Variants in VPS35L observed in about 807,000 individuals in gnomAD.
VPS35L encodes the protein VPS35 endosomal protein sorting factor like, also known as VPS35 endosomal protein-sorting factor-like.
Under a neutral mutation model 133.0 loss-of-function variants are expected in VPS35L, and 83 were observed. The observed-to-expected ratio is 0.62, with a 90% CI of 0.52 to 0.75. The LOEUF is 0.75. VPS35L is among the 30% of genes least tolerant of loss of function. The pLI is 0.00. For synonymous variants in VPS35L, 423 were observed against 449.9 expected, an observed-to-expected ratio of 0.94 and a Z score of 0.76; for missense variants, 1,083 against 1,206.8, an observed-to-expected ratio of 0.90 and a Z score of 1.52.
chr16:19,696,527 C>T (rs918589744), intron 29 of VPS35L, among the ~76,000 whole-genome samples: 7 of 152,088 alleles, frequency 4.6e-5, no homozygotes, highest in South Asian at 2.1e-4. Flanking sequence ...TGCCAAACCC[C>T]GAGAGCTTCC....
In VPS35L at chr16:19,699,473, A is replaced by C. The variant is rs767829027; in HGVS notation, c.2647-29A>C. 2 of 1,613,216 alleles carry C rather than the reference A, an allele frequency of 1.2e-6. No homozygotes were observed. Among genetic ancestry groups the C allele is most frequent in the African/African-American group, 2.7e-5 (2 of 74,928 alleles). On this transcript the variant is annotated intron_variant, in intron 29 of 30. Coordinates refer to ENST00000417362, the MANE Select transcript of VPS35L (RefSeq NM_020314.7). The surrounding 1 kb of genome is among the most constrained non-coding windows in gnomAD (Gnocchi z 4.2). ...CGGGGCACGGCCTGAGCCCCAGTGC[A>C]AGGCAGTAACCTCCCTTTTCTGTTT... is the stretch of plus-strand genomic sequence containing the variant.
intron 9 of VPS35L, among the ~76,000 whole-genome samples, chr16:19,602,185 T>C (rs1465252812): frequency 6.6e-6 from 1 of 152,166 alleles, no homozygotes; most frequent in African/African-American, 2.4e-5. Context: ...TCAATCAAGT[T>C]TAAATTCCCA....
chr16:19,612,623 A>T lies in VPS35L; in HGVS notation c.1023+2208A>T, dbSNP rs149541810. Among the ~76,000 whole-genome samples, 352 of 152,342 alleles carry T rather than the reference A, an allele frequency of 2.3e-3. 1 individual carries two copies. Among genetic ancestry groups the T allele is most frequent in the African/African-American group, 7.8e-3 (326 of 41,590 alleles). On this transcript the variant is annotated intron_variant, in intron 12 of 30. Transcript: ENST00000417362. ...TAGCAAATGCTTTGAACACACCTTG[A>T]CATCATTTGAATAAGGCCTGATATC... is the stretch of plus-strand genomic sequence containing the variant.
chr16:19,642,499 A>C lies in VPS35L; in HGVS notation c.1865+23A>C, dbSNP rs764178863. On this transcript the variant is annotated intron_variant, in intron 22 of 30. Coordinates refer to ENST00000417362, the MANE Select transcript of VPS35L (RefSeq NM_020314.7). The stretch of plus-strand genomic sequence containing the variant: ...GAAGTAAGCCATGCTTACAGCTGAA[A>C]TATAACATGGATTGGGTCTTAATGC... The C allele has an allele frequency of 1.0e-5, 16 of 1,598,914 alleles. No individual in the cohort carries two copies. In the East Asian group the frequency reaches 2.5e-4, roughly 25 times the overall value.
intron 11 of VPS35L, among the ~76,000 whole-genome samples, chr16:19,609,461 T>C (rs1241109168): frequency 6.6e-6 from 1 of 152,100 alleles, no homozygotes; most frequent in African/African-American, 2.4e-5. Flanking sequence ...ATCCTCCATG[T>C]TGGCTGCTGT....
rs370359996 is a variant in VPS35L at position 19,668,645 on chromosome 16, G to A, written c.2222-515G>A. On this transcript the variant is annotated intron_variant, in intron 26 of 30. Transcript: ENST00000417362. ...GCTGTGTTCCTTCAGACATTTTGAT[G>A]GCTATTTAACAAAAATGGTGTGCAC... Among the ~76,000 whole-genome samples the A allele has an allele frequency of 1.0e-4, 15 of 150,550 alleles. No individual in the cohort carries two copies. In the East Asian group the frequency reaches 2.4e-3, roughly 24 times the overall value.
In VPS35L at chr16:19,699,394, A is replaced by G; in HGVS notation, c.2647-108A>G. 1 of 1,360,282 alleles carries G rather than the reference A, an allele frequency of 7.4e-7. No individual in the cohort carries two copies. Among genetic ancestry groups the G allele is most frequent in the Non-Finnish European group, 1.0e-6 (1 of 993,012 alleles). The allele number at this position is 1,360,282 out of a possible 1,614,324, so 84.3% of individuals were successfully genotyped here. ...ACAGCAAATACATGGCAGAGCTGGC[A>G]CTGGAACTCAGGCATGACCTACCCC... On this transcript the variant is annotated intron_variant, in intron 29 of 30. Transcript: ENST00000417362. This position sits in a 1 kb window ranked among gnomAD's most constrained non-coding sequence, Gnocchi z 4.2.
At chr16:19,617,043 C>A in intron 14 of VPS35L, 1 of 649,448 alleles carries the variant, frequency 1.5e-6, no homozygotes, top group South Asian at 1.8e-5. Flanking sequence ...GGCCATGTAC[C>A]TAAGTGAGGC....
intron 1 of VPS35L, among the ~76,000 whole-genome samples, chr16:19,557,462 C>T (rs1406541951): frequency 2.0e-5 from 3 of 152,112 alleles, no homozygotes; most frequent in African/African-American, 7.2e-5. Context: ...CTTGGCTCAC[C>T]GCAACCTCCG....
In VPS35L at chr16:19,648,462, GC is replaced by G. The variant is rs1168265477; in HGVS notation, c.2028+584del. 2.0e-4 allele frequency among the ~76,000 whole-genome samples: 30 copies of G among 152,176 alleles called. 1 individual carries two copies. The highest frequency in any genetic ancestry group is 5.2e-4 in the Admixed American group (8 of 15,270). On this transcript the variant is annotated intron_variant, in intron 24 of 30. Coordinates refer to ENST00000417362, the MANE Select transcript of VPS35L (RefSeq NM_020314.7). ...AGTTACAGAAATCTAACCAGAAGGA[GC>G]CCCTTCTTACGTAACAAGAGGTTCC... is the stretch of plus-strand genomic sequence containing the variant.
chr16:19,690,707 T>C (rs948394434), intron 28 of VPS35L, among the ~76,000 whole-genome samples: 11 of 152,150 alleles, frequency 7.2e-5, no homozygotes, highest in Non-Finnish European at 1.0e-4. Context: ...TCCCAGCACT[T>C]TGGGAGGCCG....
chr16:19,693,857 G>C (rs1975797097), intron 29 of VPS35L, among the ~76,000 whole-genome samples: 1 of 149,920 alleles, frequency 6.7e-6, no homozygotes, highest in African/African-American at 2.4e-5. Flanking sequence ...GCTGAGGCGG[G>C]AATTGAAGGC....
At chr16:19,576,970 G>A (rs1971560308) in intron 5 of VPS35L, among the ~76,000 whole-genome samples, 1 of 152,170 alleles carries the variant, frequency 6.6e-6, no homozygotes, top group Non-Finnish European at 1.5e-5. Context: ...GCCTCCCAAA[G>A]TGCTGGGATT....
intron 5 of VPS35L, among the ~76,000 whole-genome samples, chr16:19,577,271 G>C (rs983607899): frequency 6.6e-6 from 1 of 152,192 alleles, no homozygotes; most frequent in African/African-American, 2.4e-5. Flanking sequence ...GAGAGCAGGT[G>C]TGTGCAGAGA....
rs571723146 is a variant in VPS35L at position 19,557,425 on chromosome 16, G to A, written c.17+1679G>A. 4.6e-4 allele frequency among the ~76,000 whole-genome samples: 70 copies of A among 152,220 alleles called. 1 individual carries two copies. The highest frequency in any genetic ancestry group is 1.6e-3 in the African/African-American group (68 of 41,552). ...GTTGTTTTTGTTGAGACGGAGTCTCGCCCAGGCTTGATTGCAGTGGCGTGA... is the reference window on the plus strand; with the variant it reads ...GTTGTTTTTGTTGAGACGGAGTCTCACCCAGGCTTGATTGCAGTGGCGTGA... On this transcript the variant is annotated intron_variant, in intron 1 of 30. Transcript: ENST00000417362.
At chr16:19,561,448 C>T (rs776872134) in intron 1 of VPS35L, among the ~76,000 whole-genome samples, 13 of 152,140 alleles carry the variant, frequency 8.5e-5, no homozygotes, top group Non-Finnish European at 1.9e-4. Context: ...ACACTTGAAG[C>T]CGAGTTCATT....
Position 19,610,882 on chromosome 16 carries a change from G to C in VPS35L, c.1023+467G>C, listed in dbSNP as rs529046981. On this transcript the variant is annotated intron_variant, in intron 12 of 30. Coordinates refer to ENST00000417362, the MANE Select transcript of VPS35L (RefSeq NM_020314.7). ...CTGGCTTAGGTGGCTGCTGTGAAAGGGGGTAGAGGGACTGATTAGAAATTA... is the reference window on the plus strand; with the variant it reads ...CTGGCTTAGGTGGCTGCTGTGAAAGCGGGTAGAGGGACTGATTAGAAATTA... Among the ~76,000 whole-genome samples, 156 of 152,236 alleles carry C rather than the reference G, an allele frequency of 1.0e-3. 1 individual carries two copies. The highest frequency in any genetic ancestry group is 1.8e-3 in the Non-Finnish European group (123 of 68,022).
At chr16:19,596,597 A>G (rs778551549) in intron 8 of VPS35L, among the ~76,000 whole-genome samples, 128 of 152,202 alleles carry the variant, frequency 8.4e-4, no homozygotes, top group Non-Finnish European at 1.4e-3. Flanking sequence ...CATTTAACCC[A>G]ACAGTTTCAC....
At chr16:19,590,894 G>A (rs1333028767) in intron 7 of VPS35L, among the ~76,000 whole-genome samples, 1 of 152,108 alleles carries the variant, frequency 6.6e-6, no homozygotes, top group East Asian at 1.9e-4. Flanking sequence ...GTTCATTGCT[G>A]CAGTAAGCTA....
Sources: gnomAD v4.1 joint callset for allele counts (sites outside exome capture counted in the v4.1 genomes callset) on GRCh38, gnomAD v4.1.1 for gene constraint, Gnocchi (gnomAD v3.1) non-coding constraint, MANE v1.5 for transcripts, NCBI Gene and HGNC (gene_info 2026-07-23, HGNC 2026-07-21) for gene names.